The following CDCA7L variants were observed in gnomAD, a reference collection of about 807,000 sequenced individuals.
The protein encoded by CDCA7L is cell division cycle-associated 7-like protein.
Under a neutral mutation model 57.4 loss-of-function variants are expected in CDCA7L, and 44 were observed. The ratio of observed to expected loss-of-function variants is 0.77; its 90% CI spans 0.60 to 0.98. CDCA7L has a LOEUF of 0.98. Among genes scored for constraint, CDCA7L ranks in the 50% least tolerant of loss-of-function variants. The probability of loss-of-function intolerance (pLI) is 0.00; values close to 1 mark genes in which losing one functional copy is unlikely to be tolerated. For missense variants in CDCA7L, 644 were observed against 580.6 expected, an observed-to-expected ratio of 1.11 and a Z score of -1.12; for synonymous variants, 236 against 202.8, an observed-to-expected ratio of 1.16 and a Z score of -1.39.
chr7:21,912,914 G>C (rs1284257605), intron 2 of CDCA7L, among the ~76,000 whole-genome samples: 1 of 152,104 alleles, frequency 6.6e-6, no homozygotes, highest in Non-Finnish European at 1.5e-5. Context: ...TAGTATACTT[G>C]AAAGAAAGAG....
intron 3 of CDCA7L, among the ~76,000 whole-genome samples, chr7:21,911,193 C>T (rs1351082811): frequency 6.6e-6 from 1 of 151,738 alleles, no homozygotes; most frequent in Non-Finnish European, 1.5e-5. Context: ...CCACGCCCGG[C>T]TAATTTTTGT....
intron 3 of CDCA7L, among the ~76,000 whole-genome samples, chr7:21,909,450 G>A (rs930538206): frequency 6.6e-6 from 1 of 152,026 alleles, no homozygotes; most frequent in South Asian, 2.1e-4. Context: ...TCAGTTCAGG[G>A]ACTCTGCTTC....
rs1296475750 is a variant in CDCA7L, at chr7:21,904,111, G to A, written c.1196C>T (p.Pro399Leu). 14 of 1,595,204 alleles carry A rather than the reference G, an allele frequency of 8.8e-6. No individual in the cohort carries two copies. The highest frequency in any genetic ancestry group is 1.2e-5 in the Non-Finnish European group (14 of 1,172,018). ...AACAAATGCAAACACTGTTCCTACC[G>A]GGTCCAGCAATGCCGATCTGACATC... is the stretch of plus-strand genomic sequence containing the variant. ...GEDVRSALLDPDWVCPPCRGI... is the reference protein window; with the variant it reads ...GEDVRSALLDLDWVCPPCRGI... The change falls in exon 8 of 10, where the codon CCG becomes CTG. Residue 399 changes from proline (P) to leucine (L), a missense_variant and splice_region_variant. Coordinates refer to ENST00000406877, the MANE Select transcript of CDCA7L (RefSeq NM_018719.5).
At position 21,901,244 on chromosome 7, in the gene CDCA7L, T is replaced by C; in HGVS notation, c.*1078A>G. On this transcript the variant is annotated 3_prime_UTR_variant, in exon 10 of 10. Coordinates refer to ENST00000406877, the MANE Select transcript of CDCA7L (RefSeq NM_018719.5). ...GTTCTGGCTGGAGTGGCTCTGCTTC[T>C]AGAAGCGTAAGGTAACACTGGCATT... is the stretch of plus-strand genomic sequence containing the variant. The C allele has an allele frequency of 6.2e-7, 1 of 1,605,252 alleles. No homozygotes were observed. The highest frequency in any genetic ancestry group is 8.5e-7 in the Non-Finnish European group (1 of 1,175,746).
chr7:21,910,556 C>T (rs1323640078), intron 3 of CDCA7L, among the ~76,000 whole-genome samples: 1 of 152,208 alleles, frequency 6.6e-6, no homozygotes, highest in Non-Finnish European at 1.5e-5. Context: ...GAGGCGTAAA[C>T]TCTACGTTCC....
At chr7:21,941,412 A>G (rs1385145893) in intron 1 of CDCA7L, among the ~76,000 whole-genome samples, 1 of 152,232 alleles carries the variant, frequency 6.6e-6, no homozygotes, top group African/African-American at 2.4e-5. Flanking sequence ...CACTTCATGG[A>G]AACTGCAGAA....
intron 1 of CDCA7L, among the ~76,000 whole-genome samples, chr7:21,943,376 G>A (rs1188083454): frequency 1.3e-5 from 2 of 152,188 alleles, no homozygotes; most frequent in Non-Finnish European, 2.9e-5. Context: ...TTAGCTCTGC[G>A]CTTTCCAAGC....
Position 21,902,025 on chromosome 7 carries a change from ACCTGAACTTT to A in CDCA7L, c.*287_*296del, listed in dbSNP as rs2128054709. ...ACAATGTTTTCTCTCTAACTTACTT[ACCTGAACTTT>A]AACCCCACCCCATTTAAACTGTGCT... On this transcript the variant is annotated 3_prime_UTR_variant, in exon 10 of 10. Coordinates refer to ENST00000406877, the MANE Select transcript of CDCA7L (RefSeq NM_018719.5). The A allele has an allele frequency of 9.8e-6, 4 of 408,766 alleles. No homozygotes were observed. Among genetic ancestry groups the A allele is most frequent in the South Asian group, 6.5e-5 (2 of 30,796 alleles). 25.3% of individuals were successfully genotyped at this position (408,766 alleles called of 1,614,324 possible).
intron 1 of CDCA7L, among the ~76,000 whole-genome samples, chr7:21,936,314 T>C (rs1445935161): frequency 2.0e-5 from 3 of 152,158 alleles, no homozygotes; most frequent in Non-Finnish European, 2.9e-5. Context: ...GGAGGAACAC[T>C]TGAAACTCAT....
intron 7 of CDCA7L, 38 bp downstream of exon 7, chr7:21,905,468 C>A (rs6953368): frequency 0.28 from 443,120 of 1,598,636 alleles, 64,356 homozygotes; most frequent in Non-Finnish European, 0.3. Flanking sequence ...CCAATGCCTT[C>A]GACTCCCAAT....
Position 21,903,974 on chromosome 7 carries a change from G to C in CDCA7L, c.1197+136C>G, listed in dbSNP as rs935314392. 4.1e-6 allele frequency: 3 copies of C among 736,162 alleles called. No individual in the cohort carries two copies. The African/African-American group carries it at 5.4e-5, about 13-fold the overall frequency. 45.6% of individuals were successfully genotyped at this position (736,162 alleles called of 1,614,324 possible). ...ATCCCTATTTTTCATTTTCCCTGGAGCCTTAAGATACAAATGGAAGGGAAA... is the reference window on the plus strand; with the variant it reads ...ATCCCTATTTTTCATTTTCCCTGGACCCTTAAGATACAAATGGAAGGGAAA... On this transcript the variant is annotated intron_variant, in intron 8 of 9. Coordinates refer to ENST00000406877, the MANE Select transcript of CDCA7L (RefSeq NM_018719.5).
At chr7:21,920,818 T>C (rs1014632005) in intron 1 of CDCA7L, among the ~76,000 whole-genome samples, 1 of 152,236 alleles carries the variant, frequency 6.6e-6, no homozygotes, top group African/African-American at 2.4e-5. Context: ...CAGACAATAC[T>C]TATGAAAGTG....
chr7:21,931,133 T>C (rs1785996140), intron 1 of CDCA7L, among the ~76,000 whole-genome samples: 1 of 152,186 alleles, frequency 6.6e-6, no homozygotes, highest in African/African-American at 2.4e-5. Flanking sequence ...GGGGCAGTAA[T>C]TAATGGCCTG....
Position 21,937,803 on chromosome 7 carries a change from T to A in CDCA7L, c.24+7978A>T, listed in dbSNP as rs191284255. 1.7e-3 allele frequency among the ~76,000 whole-genome samples: 259 copies of A among 152,282 alleles called. 1 individual carries two copies. The highest frequency in any genetic ancestry group is 6.8e-3 in the Middle Eastern group (2 of 294). ...GAGCCCAGATACAAACCCTTGCATA[T>A]ACAGTTAACTAATTTTCAACAAGGA... On this transcript the variant is annotated intron_variant, in intron 1 of 9. Transcript: ENST00000406877.
intron 1 of CDCA7L, chr7:21,945,013 C>T (rs1228266091): frequency 6.6e-6 from 1 of 151,988 alleles, no homozygotes; most frequent in Non-Finnish European, 1.5e-5. Flanking sequence ...TCTAAGTAAA[C>T]ATGTATCTCC....
chr7:21,945,829 C>G lies in CDCA7L; in HGVS notation c.-25G>C. 6.3e-7 allele frequency: 1 copy of G among 1,594,630 alleles called. No individual in the cohort carries two copies. Among genetic ancestry groups the G allele is most frequent in the Non-Finnish European group, 8.5e-7 (1 of 1,172,334 alleles). On this transcript the variant is annotated 5_prime_UTR_variant, in exon 1 of 10. Coordinates refer to ENST00000406877, the MANE Select transcript of CDCA7L (RefSeq NM_018719.5). ...TTCTTCCTAACCGGGCTCCAGTCTC[C>G]TCCCAGCACGCGGCCACGGGAGCCC...
At chr7:21,941,207 A>G (rs938632502) in intron 1 of CDCA7L, among the ~76,000 whole-genome samples, 1 of 152,216 alleles carries the variant, frequency 6.6e-6, no homozygotes, top group African/African-American at 2.4e-5. Flanking sequence ...TTCCTCTAAT[A>G]AAGAAAAAAA....
intron 2 of CDCA7L, among the ~76,000 whole-genome samples, chr7:21,912,669 G>A (rs999350479): frequency 5.9e-5 from 9 of 152,034 alleles, no homozygotes; most frequent in South Asian, 2.1e-4. Context: ...AGCCCCCACC[G>A]CCCACCACCA....
chr7:21,904,161 T>C lies in CDCA7L; in HGVS notation c.1146A>G (p.Pro382=), dbSNP rs372759546. 16 of 1,613,338 alleles carry C rather than the reference T, an allele frequency of 9.9e-6. No homozygotes were observed. Among genetic ancestry groups the C allele is most frequent in the Non-Finnish European group, 1.4e-5 (16 of 1,179,686 alleles). The part of the protein sequence containing the change: ...CCGVRGQFCG[P]CLRNRYGEDV... ...CCTCCCCATAGCGGTTCCGCAGGCA[T>C]GGTCCACAGAACTGTCCTCGCACAC... The change falls in exon 8 of 10, where the codon CCA becomes CCG. Residue 382 remains proline (P), a synonymous_variant. Transcript: ENST00000406877.
Sources: allele counts gnomAD v4.1 joint callset (sites outside exome capture counted in the v4.1 genomes callset), GRCh38; gene constraint gnomAD v4.1.1; transcripts MANE v1.5; gene names NCBI Gene and HGNC (gene_info 2026-07-23, HGNC 2026-07-21).